TMEM163: variants seen among roughly 807,000 people sequenced by gnomAD.
TMEM163 encodes transmembrane protein 163.
TMEM163 carries 17 observed loss-of-function variants against 29.3 expected under a neutral mutation model. The ratio of observed to expected loss-of-function variants is 0.58; its 90% CI spans 0.40 to 0.87. TMEM163 has a LOEUF of 0.87. Among genes scored for constraint, TMEM163 ranks in the 40% least tolerant of loss-of-function variants. The probability of loss-of-function intolerance (pLI) is 0.00; values close to 1 mark genes in which losing one functional copy is unlikely to be tolerated. For missense variants in TMEM163, 303 were observed against 381.5 expected (o/e 0.79, Z 1.71); for synonymous variants, 157 against 160.6 (o/e 0.98, Z 0.17).
At chr2:134,701,335 CA>C (rs1224321353) in intron 2 of TMEM163, among the ~76,000 whole-genome samples, 1 of 152,094 alleles carries the variant, frequency 6.6e-6, no homozygotes, top group Non-Finnish European at 1.5e-5. Context: ...AGTGTGAAAG[CA>C]AAAAGGCAAC....
intron 2 of TMEM163, among the ~76,000 whole-genome samples, chr2:134,553,749 C>T (rs1384887758): frequency 2.0e-5 from 3 of 152,180 alleles, no homozygotes; most frequent in African/African-American, 4.8e-5. Context: ...GCCAGCTGTG[C>T]ATGGTGACCA....
chr2:134,602,869 C>T (rs1213941355), intron 2 of TMEM163, among the ~76,000 whole-genome samples: 3 of 152,056 alleles, frequency 2.0e-5, no homozygotes, highest in Admixed American at 2.0e-4. Flanking sequence ...CCTGGGGATC[C>T]CATTGGCTCT....
At chr2:134,673,017 GTCC>G (rs1444433237) in intron 2 of TMEM163, among the ~76,000 whole-genome samples, 8 of 152,092 alleles carry the variant, frequency 5.3e-5, no homozygotes. Flanking sequence ...GTCATTTAAA[GTCC>G]TCCAAAGGCA....
chr2:134,601,004 C>T (rs563857367), intron 2 of TMEM163, among the ~76,000 whole-genome samples: 2 of 152,036 alleles, frequency 1.3e-5, no homozygotes, highest in African/African-American at 2.4e-5. Flanking sequence ...GACACTTTTG[C>T]CTTCATAGTA....
chr2:134,647,105 T>A (rs933863833), intron 2 of TMEM163, among the ~76,000 whole-genome samples: 1 of 152,176 alleles, frequency 6.6e-6, no homozygotes, highest in Non-Finnish European at 1.5e-5. Context: ...CTTAGCCAAG[T>A]CATTCAATCT....
intron 2 of TMEM163, among the ~76,000 whole-genome samples, chr2:134,709,253 A>T (rs1684879956): frequency 6.6e-6 from 1 of 152,260 alleles, no homozygotes; most frequent in African/African-American, 2.4e-5. Context: ...AATGAATTTT[A>T]AAACCAAACT....
intron 2 of TMEM163, among the ~76,000 whole-genome samples, chr2:134,582,442 T>G (rs1681717685): frequency 6.6e-6 from 1 of 152,210 alleles, no homozygotes; most frequent in African/African-American, 2.4e-5. Context: ...TCTGCCACCT[T>G]TGGACTGTTC....
intron 4 of TMEM163, among the ~76,000 whole-genome samples, chr2:134,540,765 C>T (rs1187740074): frequency 6.6e-6 from 1 of 152,216 alleles, no homozygotes; most frequent in African/African-American, 2.4e-5. Context: ...CAGCATAATA[C>T]ATGACACAAA....
chr2:134,702,472 G>A (rs756286076), intron 2 of TMEM163, among the ~76,000 whole-genome samples: 78 of 151,902 alleles, frequency 5.1e-4, no homozygotes, highest in Non-Finnish European at 5.7e-4. Flanking sequence ...AGGTGAAACC[G>A]TGTCTCTACA....
intron 2 of TMEM163, among the ~76,000 whole-genome samples, chr2:134,571,916 A>C (rs542455006): frequency 6.6e-6 from 1 of 152,344 alleles, no homozygotes; most frequent in South Asian, 2.1e-4. Flanking sequence ...GGTATTCAGC[A>C]TAAACCACAT....
At chr2:134,571,029 C>T (rs1681410328) in intron 2 of TMEM163, among the ~76,000 whole-genome samples, 1 of 152,210 alleles carries the variant, frequency 6.6e-6, no homozygotes, top group Admixed American at 6.5e-5. Context: ...ACATATGTCT[C>T]TTTTAATCAA....
At chr2:134,466,782 C>T (rs587201) in intron 5 of TMEM163, 25,996 of 152,862 alleles carry the variant, frequency 0.17, 2,760 homozygotes, top group South Asian at 0.31. Context: ...CTAAAAATAT[C>T]GTCTGCTACT....
intron 5 of TMEM163, among the ~76,000 whole-genome samples, chr2:134,474,124 C>T (rs1686865171): frequency 6.6e-6 from 1 of 152,186 alleles, no homozygotes; most frequent in African/African-American, 2.4e-5. Flanking sequence ...GTATCAGCAA[C>T]ACAAATTCAG....
At chr2:134,680,742 T>A (rs1684212202) in intron 2 of TMEM163, among the ~76,000 whole-genome samples, 2 of 151,822 alleles carry the variant, frequency 1.3e-5, no homozygotes, top group South Asian at 4.2e-4. Flanking sequence ...ACAGACAGGG[T>A]TTATAATGAG....
intron 2 of TMEM163, among the ~76,000 whole-genome samples, chr2:134,554,321 C>A (rs1295859883): frequency 1.4e-5 from 2 of 148,138 alleles, no homozygotes; most frequent in Non-Finnish European, 3.0e-5. Context: ...AGCTGCTCGG[C>A]AGGCTGAGGC....
chr2:134,712,840 T>C (rs1684953867), intron 2 of TMEM163, among the ~76,000 whole-genome samples: 1 of 152,174 alleles, frequency 6.6e-6, no homozygotes, highest in African/African-American at 2.4e-5. Flanking sequence ...CCCATCTTCT[T>C]GCATTAGGCT....
At position 134,633,963 on chromosome 2, in the gene TMEM163, ATACATATATATATATATATATATAT is replaced by A. The variant is rs1482737546; in HGVS notation, c.322+79212_322+79236del. On this transcript the variant is annotated intron_variant, in intron 2 of 7. Transcript: ENST00000281924. Reference sequence around the variant, plus strand: ...ATAGTGAAACTGTCTCAAAAAAAAAATACATATATATATATATATATATATATATATATATATATATATATATATA... The same window carrying A: ...ATAGTGAAACTGTCTCAAAAAAAAAAATATATATATATATATATATATATA... Among the ~76,000 whole-genome samples, 26 of 85,030 alleles carry A rather than the reference ATACATATATATATATATATATATAT, an allele frequency of 3.1e-4. No homozygotes were observed. In the South Asian group the frequency reaches 3.8e-3, roughly 13 times the overall value. 55.8% of individuals were successfully genotyped at this position (85,030 alleles called of 152,430 possible). A position where few individuals can be genotyped will look rare whatever the true frequency, so the allele number is the denominator to read the frequency against.
chr2:134,540,270 G>T (rs1419487679), intron 4 of TMEM163, among the ~76,000 whole-genome samples: 2 of 152,232 alleles, frequency 1.3e-5, no homozygotes, highest in African/African-American at 4.8e-5. Context: ...TGTCATGGCT[G>T]CCATCTGCCT....
At chr2:134,624,398 G>A (rs1682802392) in intron 2 of TMEM163, among the ~76,000 whole-genome samples, 1 of 152,152 alleles carries the variant, frequency 6.6e-6, no homozygotes, top group African/African-American at 2.4e-5. Context: ...TTATAAGTGG[G>A]AGCTAAAGGA....
Sources: gnomAD v4.1 joint callset for allele counts (sites outside exome capture counted in the v4.1 genomes callset) on GRCh38, gnomAD v4.1.1 for gene constraint, MANE v1.5 for transcripts, NCBI Gene and HGNC (gene_info 2026-07-23, HGNC 2026-07-21) for gene names.